Variants in PDCD1LG2 observed in about 807,000 individuals in gnomAD.
The protein encoded by PDCD1LG2 is B7 dendritic cell molecule.
A neutral mutation model predicts 28.2 loss-of-function variants in PDCD1LG2; 32 were observed. That is an observed-to-expected ratio of 1.13 (90% CI 0.86 to 1.52). The LOEUF is 1.52. Among genes scored for constraint, PDCD1LG2 ranks in the 40% most tolerant of loss-of-function variants. The pLI, the probability that PDCD1LG2 is intolerant of heterozygous loss-of-function variation, is 0.00. For missense variants in PDCD1LG2, 385 were observed against 323.8 expected, an observed-to-expected ratio of 1.19 and a Z score of -1.45; for synonymous variants, 116 against 120.2, an observed-to-expected ratio of 0.97 and a Z score of 0.23.
intron 4 of PDCD1LG2, among the ~76,000 whole-genome samples, chr9:5,551,803 T>C (rs1319681959): frequency 1.3e-5 from 2 of 152,190 alleles, no homozygotes; most frequent in Admixed American, 6.5e-5. Context: ...CAGTCCCCAA[T>C]TGTACTGTTC....
Position 5,545,660 on chromosome 9 carries a change from CA to C in PDCD1LG2, c.362-3674del, listed in dbSNP as rs1816189041. Among the ~76,000 whole-genome samples the C allele has an allele frequency of 3.3e-5, 5 of 152,264 alleles. No individual in the cohort carries two copies. In the South Asian group the frequency reaches 8.3e-4, roughly 25 times the overall value. ...CAACAATTGGCAGACTTAGGAGAAC[CA>C]GTCAAATCCACAATTACATTTGAGA... On this transcript the variant is annotated intron_variant, in intron 3 of 6. Transcript: ENST00000397747.
rs572464205 is a variant in PDCD1LG2, at chr9:5,532,089, G to A, written c.56-2656G>A. Among the ~76,000 whole-genome samples, 390 of 152,312 alleles carry A rather than the reference G, an allele frequency of 2.6e-3. 3 individuals are homozygous for A. Among genetic ancestry groups the A allele is most frequent in the African/African-American group, 9.2e-3 (381 of 41,556 alleles). ...CTGAGGTGAGAGCTATTCCAAGTGTGCAGTGGATTAAAATAAAAGAATCAT... is the reference window on the plus strand; with the variant it reads ...CTGAGGTGAGAGCTATTCCAAGTGTACAGTGGATTAAAATAAAAGAATCAT... On this transcript the variant is annotated intron_variant, in intron 2 of 6. Coordinates refer to ENST00000397747, the MANE Select transcript of PDCD1LG2 (RefSeq NM_025239.4).
chr9:5,556,425 T>A (rs553501924), intron 4 of PDCD1LG2, among the ~76,000 whole-genome samples: 80 of 152,214 alleles, frequency 5.3e-4, no homozygotes, highest in Non-Finnish European at 9.6e-4. Context: ...GAGACAAATA[T>A]CTGTGGGGGC....
chr9:5,567,319 C>A (rs910512231), intron 6 of PDCD1LG2, among the ~76,000 whole-genome samples: 4 of 152,222 alleles, frequency 2.6e-5, no homozygotes, highest in African/African-American at 9.6e-5. Context: ...TCATAACTTA[C>A]TGTTAGAAAT....
chr9:5,542,643 C>T (rs918650051), intron 3 of PDCD1LG2, among the ~76,000 whole-genome samples: 1 of 152,124 alleles, frequency 6.6e-6, no homozygotes, highest in East Asian at 1.9e-4. Flanking sequence ...TGCGATACCA[C>T]CTTACTCCTG....
intron 4 of PDCD1LG2, among the ~76,000 whole-genome samples, chr9:5,550,014 T>A (rs549445307): frequency 6.6e-6 from 1 of 152,248 alleles, no homozygotes; most frequent in African/African-American, 2.4e-5. Context: ...TCCACTGTTG[T>A]ATTCCATAAA....
At chr9:5,565,864 A>T (rs536526137) in intron 6 of PDCD1LG2, among the ~76,000 whole-genome samples, 1 of 151,866 alleles carries the variant, frequency 6.6e-6, no homozygotes, top group African/African-American at 2.4e-5. Context: ...AATAACGTAC[A>T]ACAATAACAA....
intron 2 of PDCD1LG2, among the ~76,000 whole-genome samples, chr9:5,532,628 T>G (rs1820504221): frequency 6.6e-6 from 1 of 152,162 alleles, no homozygotes; most frequent in African/African-American, 2.4e-5. Context: ...GAAGAAAAAC[T>G]TGAATCAGAG....
intron 1 of PDCD1LG2, among the ~76,000 whole-genome samples, chr9:5,522,103 G>A (rs1348598754): frequency 6.6e-6 from 1 of 152,204 alleles, no homozygotes; most frequent in Non-Finnish European, 1.5e-5. Context: ...GTTCTATGGA[G>A]TCTTATTTTC....
At position 5,534,847 on chromosome 9, in the gene PDCD1LG2, G is replaced by T. The variant is rs2129793351; in HGVS notation, c.158G>T (p.Gly53Val). 1 of 1,614,156 alleles carries T rather than the reference G, an allele frequency of 6.2e-7. No individual in the cohort carries two copies. Among genetic ancestry groups the T allele is most frequent in the Non-Finnish European group, 8.5e-7 (1 of 1,180,030 alleles). ...NFDTGSHVNL[G>V]AITASLQKVE... ...GACACTGGAAGTCATGTGAACCTTG[G>T]AGCAATAACAGCCAGTTTGCAAAAG... The change falls in exon 3 of 7, where the codon GGA (glycine) becomes GTA (valine). Residue 53 changes from glycine (G) to valine (V), a missense_variant. Transcript: ENST00000397747.
chr9:5,556,637 G>C (rs1298261377), intron 4 of PDCD1LG2, among the ~76,000 whole-genome samples: 2 of 152,158 alleles, frequency 1.3e-5, no homozygotes, highest in Non-Finnish European at 1.5e-5. Flanking sequence ...GGAGGTAGTG[G>C]GGTTTGAGGG....
chr9:5,519,422 A>G (rs868629544), intron 1 of PDCD1LG2, among the ~76,000 whole-genome samples: 2 of 152,320 alleles, frequency 1.3e-5, no homozygotes, highest in East Asian at 3.9e-4. Flanking sequence ...AGGGTCAGCA[A>G]GGCCCCAGGT....
intron 1 of PDCD1LG2, among the ~76,000 whole-genome samples, chr9:5,516,650 G>T (rs138449537): frequency 6.6e-6 from 1 of 152,228 alleles, no homozygotes; most frequent in Non-Finnish European, 1.5e-5. Context: ...GCCACCCTCA[G>T]CCCCTGCTCA....
chr9:5,535,242 C>A (rs1820557414), intron 3 of PDCD1LG2, among the ~76,000 whole-genome samples, 192 bp downstream of exon 3: 1 of 152,098 alleles, frequency 6.6e-6, no homozygotes, highest in Non-Finnish European at 1.5e-5. Flanking sequence ...AGCCGAAGTA[C>A]AAGTGAAAGG....
In PDCD1LG2 at chr9:5,570,091, T is replaced by A; in HGVS notation, c.*132T>A. 2 of 1,146,590 alleles carry A rather than the reference T, an allele frequency of 1.7e-6. No individual in the cohort carries two copies. The highest frequency in any genetic ancestry group is 2.6e-6 in the Non-Finnish European group (2 of 768,526). The allele number at this position is 1,146,590 out of a possible 1,614,324, so 71.0% of individuals were successfully genotyped here. The stretch of plus-strand genomic sequence containing the variant: ...AATGCCTTTGGATGACCCAGCACTT[T>A]AATCTGAAACCTGCAACAAGACTAG... On this transcript the variant is annotated 3_prime_UTR_variant, in exon 7 of 7. Transcript: ENST00000397747.
At chr9:5,516,474 T>C (rs553521015) in intron 1 of PDCD1LG2, among the ~76,000 whole-genome samples, 6 of 152,346 alleles carry the variant, frequency 3.9e-5, no homozygotes, top group African/African-American at 1.2e-4. Flanking sequence ...CCACCCACAA[T>C]TGGCAACCTG....
At chr9:5,538,211 TTC>T (rs1302274500) in intron 3 of PDCD1LG2, among the ~76,000 whole-genome samples, 49 of 152,318 alleles carry the variant, frequency 3.2e-4, no homozygotes, top group African/African-American at 1.1e-3. Context: ...TATTTATTTA[TTC>T]TCTTTTTTCC....
intron 1 of PDCD1LG2, among the ~76,000 whole-genome samples, chr9:5,515,924 A>AT (rs1322726167): frequency 5.5e-5 from 5 of 91,714 alleles, no homozygotes; most frequent in Non-Finnish European, 8.2e-5. Flanking sequence ...CTCCATCTCA[A>AT]AAAAAAAAAA....
At chr9:5,561,296 A>G (rs919692563) in intron 5 of PDCD1LG2, among the ~76,000 whole-genome samples, 1 of 152,218 alleles carries the variant, frequency 6.6e-6, no homozygotes, top group African/African-American at 2.4e-5. Context: ...ATCATTGCAG[A>G]AAGTTCTACT....
Sources: gnomAD v4.1 joint callset for allele counts (sites outside exome capture counted in the v4.1 genomes callset) on GRCh38, gnomAD v4.1.1 for gene constraint, MANE v1.5 for transcripts, NCBI Gene and HGNC (gene_info 2026-07-23, HGNC 2026-07-21) for gene names.